The following RBFOX1 variants were observed in gnomAD, a reference collection of about 807,000 sequenced individuals.
The protein encoded by RBFOX1 is RNA binding fox-1 homolog 1.
RBFOX1 carries 8 observed loss-of-function variants against 57.7 expected under a neutral mutation model. That is an observed-to-expected ratio of 0.14 (90% CI 0.08 to 0.25). The LOEUF is 0.25. RBFOX1 is among the 10% of genes least tolerant of loss of function. RBFOX1 has a pLI of 1.00. For missense variants in RBFOX1, 611 were observed against 548.5 expected (o/e 1.11, Z -1.14); for synonymous variants, 326 against 222.4 (o/e 1.47, Z -4.15).
intron 2 of RBFOX1, among the ~76,000 whole-genome samples, chr16:6,347,179 T>C (rs1251113748): frequency 1.3e-5 from 2 of 152,188 alleles, no homozygotes; most frequent in African/African-American, 4.8e-5. Context: ...TTTGGACTTT[T>C]AACTTTCTGG....
chr16:6,568,085 G>C (rs1484246424), intron 2 of RBFOX1, among the ~76,000 whole-genome samples: 1 of 152,200 alleles, frequency 6.6e-6, no homozygotes, highest in Non-Finnish European at 1.5e-5. Context: ...GTCTTTGACA[G>C]TGCAGCTTTA....
chr16:6,403,299 C>T (rs541510402), intron 2 of RBFOX1, among the ~76,000 whole-genome samples: 10 of 152,182 alleles, frequency 6.6e-5, no homozygotes, highest in African/African-American at 2.4e-4. Flanking sequence ...AGACCTGCCA[C>T]TCAGGTGTTA....
chr16:6,101,662 C>T (rs1010872962), intron 1 of RBFOX1, among the ~76,000 whole-genome samples: 1 of 152,118 alleles, frequency 6.6e-6, no homozygotes, highest in African/African-American at 2.4e-5. Flanking sequence ...TGGCTCATAC[C>T]TGTAATCCCA....
At chr16:6,136,215 G>C (rs2096666185) in intron 1 of RBFOX1, among the ~76,000 whole-genome samples, 1 of 152,156 alleles carries the variant, frequency 6.6e-6, no homozygotes, top group Non-Finnish European at 1.5e-5. Context: ...GAGGCGATGT[G>C]TACTTGCTTC....
intron 3 of RBFOX1, among the ~76,000 whole-genome samples, chr16:6,758,056 T>C (rs1206846791): frequency 1.3e-5 from 2 of 152,166 alleles, no homozygotes; most frequent in Non-Finnish European, 2.9e-5. Flanking sequence ...AACTACTATC[T>C]TCTTTATACC....
chr16:5,342,976 C>T (rs1056229205), intron 1 of RBFOX1, among the ~76,000 whole-genome samples: 3 of 152,160 alleles, frequency 2.0e-5, no homozygotes, highest in Non-Finnish European at 2.9e-5. Context: ...TCTATTACTC[C>T]AGTGATCGGT....
intron 3 of RBFOX1, among the ~76,000 whole-genome samples, chr16:6,818,444 A>T (rs375549580): frequency 1.3e-5 from 2 of 152,178 alleles, no homozygotes; most frequent in African/African-American, 2.4e-5. Flanking sequence ...GAAAAAAAAA[A>T]TATTATTGAA....
At chr16:5,636,693 C>G (rs1208784054) in intron 3 of RBFOX1, among the ~76,000 whole-genome samples, 1 of 152,186 alleles carries the variant, frequency 6.6e-6, no homozygotes, top group Non-Finnish European at 1.5e-5. Context: ...TGAGATCATA[C>G]CCTTGGAAGG....
intron 6 of RBFOX1, among the ~76,000 whole-genome samples, chr16:7,582,774 G>C (rs373605054): frequency 6.6e-6 from 1 of 152,124 alleles, no homozygotes; most frequent in African/African-American, 2.4e-5. Flanking sequence ...TTTACAGTGA[G>C]GACAATTACA....
chr16:6,565,083 A>T (rs1030061704), intron 2 of RBFOX1, among the ~76,000 whole-genome samples: 1 of 144,960 alleles, frequency 6.9e-6, no homozygotes, highest in Non-Finnish European at 1.5e-5. Flanking sequence ...GTGAGCAGAG[A>T]TTGCATCACT....
At chr16:6,065,030 T>A (rs2095742070) in intron 1 of RBFOX1, among the ~76,000 whole-genome samples, 1 of 151,832 alleles carries the variant, frequency 6.6e-6, no homozygotes, top group African/African-American at 2.4e-5. Flanking sequence ...TTTCTTTCTT[T>A]TTTTTTCTTT....
intron 4 of RBFOX1, among the ~76,000 whole-genome samples, chr16:7,507,831 G>A (rs1049162997): frequency 1.3e-5 from 2 of 152,020 alleles, no homozygotes; most frequent in African/African-American, 4.8e-5. Context: ...CCAAAGTGCT[G>A]GGATTACAGG....
intron 3 of RBFOX1, among the ~76,000 whole-genome samples, chr16:6,891,527 G>A (rs1338060225): frequency 6.6e-6 from 1 of 152,044 alleles, no homozygotes; most frequent in Non-Finnish European, 1.5e-5. Context: ...AAACTTCCCA[G>A]TCCTGCCTTA....
intron 3 of RBFOX1, among the ~76,000 whole-genome samples, chr16:7,001,390 A>ATT (rs1453532712): frequency 2.3e-4 from 30 of 132,156 alleles, no homozygotes; most frequent in South Asian, 4.5e-4. Context: ...GTGTATGTGT[A>ATT]TGTGTATTTG....
At chr16:5,775,147 A>C (rs1333135719) in intron 3 of RBFOX1, among the ~76,000 whole-genome samples, 3 of 152,170 alleles carry the variant, frequency 2.0e-5, no homozygotes, top group Non-Finnish European at 4.4e-5. Context: ...CACACCCCCA[A>C]ATCAGCTCAA....
At chr16:5,393,182 G>A (rs951206304) in intron 1 of RBFOX1, among the ~76,000 whole-genome samples, 25 of 152,226 alleles carry the variant, frequency 1.6e-4, no homozygotes, top group African/African-American at 5.8e-4. Flanking sequence ...TCTGATGGCT[G>A]TGAGTGCCAT....
intron 1 of RBFOX1, among the ~76,000 whole-genome samples, chr16:6,123,078 T>C (rs1297693164): frequency 6.6e-6 from 1 of 152,190 alleles, no homozygotes; most frequent in African/African-American, 2.4e-5. Flanking sequence ...CTTAGGAACA[T>C]TGCAAAATTT....
At chr16:7,589,869 G>C (rs1469748690) in intron 7 of RBFOX1, among the ~76,000 whole-genome samples, 2 of 150,760 alleles carry the variant, frequency 1.3e-5, no homozygotes, top group Non-Finnish European at 2.9e-5. Flanking sequence ...CTCTAGAGCA[G>C]TTCTTCAGGC....
intron 4 of RBFOX1, among the ~76,000 whole-genome samples, chr16:7,418,774 G>GTCTCTGTCCCTA (rs2098509591): frequency 6.6e-6 from 1 of 151,544 alleles, no homozygotes; most frequent in South Asian, 2.1e-4. Context: ...CTGTGTCTGT[G>GTCTCTGTCCCTA]TCTCTATCTC....
Sources: gnomAD v4.1 joint callset for allele counts (sites outside exome capture counted in the v4.1 genomes callset) on GRCh38, gnomAD v4.1.1 for gene constraint, MANE v1.5 for transcripts, NCBI Gene and HGNC (gene_info 2026-07-23, HGNC 2026-07-21) for gene names.